Variants in EML5 observed in about 807,000 individuals in gnomAD.
EML5 encodes the protein echinoderm microtubule-associated protein-like 5.
A neutral mutation model predicts 250.0 loss-of-function variants in EML5; 120 were observed. That is an observed-to-expected ratio of 0.48 (90% CI 0.41 to 0.56). EML5 has a LOEUF of 0.56. Ranked by LOEUF, EML5 falls within the 20% of genes least tolerant of loss-of-function variation. EML5 has a pLI of 0.00. For synonymous variants in EML5, 771 were observed against 806.5 expected (o/e 0.96, Z 0.75); for missense variants, 2,006 against 2,437.6 (o/e 0.82, Z 3.73).
chr14:88,764,641 T>G lies in EML5; in HGVS notation c.198-9970A>C, dbSNP rs1040946486. 1.4e-4 allele frequency among the ~76,000 whole-genome samples: 21 copies of G among 152,334 alleles called. No homozygotes were observed. In the East Asian group the frequency reaches 2.5e-3, roughly 18 times the overall value. On this transcript the variant is annotated intron_variant, in intron 1 of 43. Coordinates refer to ENST00000554922, the MANE Select transcript of EML5 (RefSeq NM_183387.3). ...TTTTGTGTTTGCTCTTCCATTTCTA[T>G]TTTCTTAAGTCAGACTCCTAGATTA...
At chr14:88,740,609 T>G in intron 4 of EML5, 37 bp from the exon 5 acceptor site, 1 of 1,484,394 alleles carries the variant, frequency 6.7e-7, no homozygotes, top group African/African-American at 1.4e-5. Context: ...TACCAAAGAA[T>G]TCTTATAAAA....
chr14:88,740,100 C>T (rs1038903951), intron 5 of EML5, among the ~76,000 whole-genome samples: 5 of 152,054 alleles, frequency 3.3e-5, no homozygotes, highest in African/African-American at 1.2e-4. Flanking sequence ...ATCTAGAATA[C>T]TTTTAGATTG....
At chr14:88,661,568 TAATAAC>T in intron 25 of EML5, 80 bp downstream of exon 25, 2 of 1,194,338 alleles carry the variant, frequency 1.7e-6, no homozygotes, top group Non-Finnish European at 1.2e-6. Context: ...TATGTACAAT[TAATAAC>T]AATGAAGTGC....
At chr14:88,721,796 A>G (rs1289985297) in intron 8 of EML5, among the ~76,000 whole-genome samples, 1 of 152,226 alleles carries the variant, frequency 6.6e-6, no homozygotes, top group East Asian at 1.9e-4. Flanking sequence ...GAGCTTCGGC[A>G]CAATAAAAGA....
intron 43 of EML5, 101 bp from the exon 44 acceptor site, chr14:88,615,955 T>G: frequency 7.2e-7 from 1 of 1,396,692 alleles, no homozygotes; most frequent in Non-Finnish European, 9.8e-7. Flanking sequence ...ATGTGTAATA[T>G]TTTTCCTCTT....
intron 21 of EML5, among the ~76,000 whole-genome samples, chr14:88,670,172 T>A (rs1216415949): frequency 4.0e-5 from 6 of 149,314 alleles, no homozygotes; most frequent in Admixed American, 1.3e-4. Context: ...ACAAAAAAAA[T>A]TAGCTGGGTG....
chr14:88,674,359 TGAG>T (rs1389862700), intron 21 of EML5, among the ~76,000 whole-genome samples: 5 of 152,184 alleles, frequency 3.3e-5, no homozygotes, highest in Non-Finnish European at 1.5e-5. Context: ...TCTGTATTTC[TGAG>T]GAGGCCTCAT....
intron 21 of EML5, among the ~76,000 whole-genome samples, chr14:88,674,272 A>AAAC (rs57011514): frequency 1.2e-4 from 19 of 152,228 alleles, no homozygotes; most frequent in East Asian, 5.8e-4. Context: ...TTCATCTCAA[A>AAAC]AACAACAACA....
chr14:88,662,163 T>C (rs904291595), intron 24 of EML5, among the ~76,000 whole-genome samples: 2 of 152,032 alleles, frequency 1.3e-5, no homozygotes, highest in South Asian at 2.1e-4. Context: ...TTTCTAATAA[T>C]GCATTATGTT....
At chr14:88,755,593 C>T (rs780068714) in intron 1 of EML5, among the ~76,000 whole-genome samples, 1 of 152,026 alleles carries the variant, frequency 6.6e-6, no homozygotes, top group Non-Finnish European at 1.5e-5. Flanking sequence ...ATAATTTTTT[C>T]TATATGTCAA....
At chr14:88,662,542 CTTTTTT>C (rs56347693) in intron 24 of EML5, among the ~76,000 whole-genome samples, 3 of 121,706 alleles carry the variant, frequency 2.5e-5, no homozygotes, top group African/African-American at 6.6e-5. Flanking sequence ...TGATTTATTC[CTTTTTT>C]TTTTTTTTTT....
chr14:88,755,840 T>C (rs189544139), intron 1 of EML5, among the ~76,000 whole-genome samples: 1 of 150,218 alleles, frequency 6.7e-6, no homozygotes, highest in South Asian at 2.1e-4. Context: ...AAAAAAAAAA[T>C]TTTTTTTAAT....
At chr14:88,777,727 G>C (rs1159410199) in intron 1 of EML5, among the ~76,000 whole-genome samples, 1 of 152,170 alleles carries the variant, frequency 6.6e-6, no homozygotes, top group African/African-American at 2.4e-5. Flanking sequence ...CTGTAATCCC[G>C]GCACTTTGGG....
At chr14:88,741,141 C>T (rs1318900889) in intron 4 of EML5, among the ~76,000 whole-genome samples, 3 of 151,122 alleles carry the variant, frequency 2.0e-5, no homozygotes, top group Non-Finnish European at 2.9e-5. Flanking sequence ...CCAGCCTGGG[C>T]GCAGAGTGAG....
intron 29 of EML5, 30 bp downstream of exon 29, chr14:88,646,917 G>A: frequency 1.9e-6 from 3 of 1,583,278 alleles, no homozygotes; most frequent in Non-Finnish European, 2.6e-6. Flanking sequence ...ACAAAGTTAG[G>A]CTTTGTAAAC....
At chr14:88,766,394 G>A (rs2094320446) in intron 1 of EML5, among the ~76,000 whole-genome samples, 1 of 152,160 alleles carries the variant, frequency 6.6e-6, no homozygotes, top group Non-Finnish European at 1.5e-5. Flanking sequence ...TTCCCAAGGG[G>A]AGGTCTCTAA....
Position 88,688,183 on chromosome 14 carries a change from G to A in EML5, c.2742+88C>T. The stretch of plus-strand genomic sequence containing the variant: ...GACTACTGCTGGATAGTCCAGGCAA[G>A]TAGAAAGGCAGTGTTCCTTTACTTC... On this transcript the variant is annotated intron_variant, in intron 18 of 43. Transcript: ENST00000554922. The A allele has an allele frequency of 4.5e-6, 6 of 1,330,772 alleles. No individual in the cohort carries two copies. In the East Asian group the frequency reaches 1.4e-4, roughly 30 times the overall value. 82.4% of individuals were successfully genotyped at this position (1,330,772 alleles called of 1,614,324 possible).
chr14:88,671,294 C>T (rs1393512582), intron 21 of EML5, among the ~76,000 whole-genome samples: 1 of 152,124 alleles, frequency 6.6e-6, no homozygotes, highest in African/African-American at 2.4e-5. Context: ...ATTTCATATC[C>T]AGCCAAACTA....
At chr14:88,669,833 C>T (rs747819890) in intron 21 of EML5, among the ~76,000 whole-genome samples, 4 of 152,130 alleles carry the variant, frequency 2.6e-5, no homozygotes, top group South Asian at 2.1e-4. Flanking sequence ...TATACAGGGG[C>T]GTTTCCACTG....
Sources: allele counts gnomAD v4.1 joint callset (sites outside exome capture counted in the v4.1 genomes callset), GRCh38; gene constraint gnomAD v4.1.1; transcripts MANE v1.5; gene names NCBI Gene and HGNC (gene_info 2026-07-23, HGNC 2026-07-21).